Variants in HTR2A observed in about 807,000 individuals in gnomAD.
The protein encoded by HTR2A is 5-hydroxytryptamine receptor 2A.
Under a neutral mutation model 31.0 loss-of-function variants are expected in HTR2A, and 14 were observed. The observed-to-expected ratio is 0.45, with a 90% CI of 0.30 to 0.71. HTR2A has a LOEUF of 0.71. Ranked by LOEUF, HTR2A falls within the 30% of genes least tolerant of loss-of-function variation. The pLI, the probability that HTR2A is intolerant of heterozygous loss-of-function variation, is 0.09. For synonymous variants in HTR2A, 209 were observed against 225.2 expected, an observed-to-expected ratio of 0.93 and a Z score of 0.64; for missense variants, 442 against 573.3, an observed-to-expected ratio of 0.77 and a Z score of 2.34.
At chr13:46,860,149 T>C (rs888552288) in intron 3 of HTR2A, among the ~76,000 whole-genome samples, 3 of 152,212 alleles carry the variant, frequency 2.0e-5, no homozygotes, top group Non-Finnish European at 2.9e-5. Flanking sequence ...CCTGGCCCAG[T>C]GTGCCCTAGT....
chr13:46,872,443 T>C (rs892412465), intron 3 of HTR2A, among the ~76,000 whole-genome samples: 1 of 151,214 alleles, frequency 6.6e-6, no homozygotes, highest in Non-Finnish European at 1.5e-5. Flanking sequence ...GTAATTATTA[T>C]GCAAAATAAC....
At chr13:46,873,485 T>A (rs1305185897) in intron 3 of HTR2A, among the ~76,000 whole-genome samples, 1 of 150,370 alleles carries the variant, frequency 6.7e-6, no homozygotes, top group Non-Finnish European at 1.5e-5. Context: ...TTAGGGTATA[T>A]GTGCACAATG....
chr13:46,864,175 A>G (rs544033120), intron 3 of HTR2A, among the ~76,000 whole-genome samples: 107 of 152,294 alleles, frequency 7.0e-4, no homozygotes, highest in African/African-American at 2.4e-3. Context: ...ACATGTTCTC[A>G]CATATAAGTG....
At chr13:46,867,686 G>A (rs546330165) in intron 3 of HTR2A, among the ~76,000 whole-genome samples, 8 of 152,254 alleles carry the variant, frequency 5.3e-5, no homozygotes, top group African/African-American at 1.9e-4. Context: ...TTTCTTTCCT[G>A]TATACAATCC....
chr13:46,858,895 A>T (rs548755974), intron 3 of HTR2A, among the ~76,000 whole-genome samples: 2 of 152,356 alleles, frequency 1.3e-5, no homozygotes, highest in South Asian at 4.1e-4. Flanking sequence ...AAAGCAGGGC[A>T]GATGCGCCAT....
At chr13:46,879,670 T>C (rs1420616055) in intron 3 of HTR2A, among the ~76,000 whole-genome samples, 1 of 152,160 alleles carries the variant, frequency 6.6e-6, no homozygotes, top group Admixed American at 6.5e-5. Context: ...CCTTAGACAG[T>C]GGCAATCAAA....
At chr13:46,876,527 A>G (rs972359024) in intron 3 of HTR2A, among the ~76,000 whole-genome samples, 12 of 147,852 alleles carry the variant, frequency 8.1e-5, no homozygotes, top group African/African-American at 3.0e-4. Flanking sequence ...CTTCTGCCTC[A>G]GCCTCCTGAG....
At chr13:46,885,168 G>A (rs964210952) in intron 3 of HTR2A, among the ~76,000 whole-genome samples, 5 of 152,166 alleles carry the variant, frequency 3.3e-5, no homozygotes, top group Non-Finnish European at 7.3e-5. Flanking sequence ...AAATAAAGAT[G>A]ACTGGACTAC....
intron 3 of HTR2A, among the ~76,000 whole-genome samples, chr13:46,840,605 AC>A (rs1267589412): frequency 1.3e-5 from 2 of 152,196 alleles, no homozygotes; most frequent in Non-Finnish European, 2.9e-5. Flanking sequence ...AGTTAGAATC[AC>A]ACAGAAAGTT....
chr13:46,835,324 C>T lies in HTR2A; in HGVS notation c.929G>A (p.Arg310Lys), dbSNP rs768848048. The change falls in exon 4 of 4, where the codon AGG becomes AAG. Residue 310 changes from arginine to lysine, a missense_variant. Transcript: ENST00000542664. ...CTCATTGCTGATGGACTGCATAGTC[C>T]TCCTGCCTGTGTAGGACCCTGGCTC... is the stretch of plus-strand genomic sequence containing the variant. Reference protein sequence around the residue: ...HREPGSYTGRRTMQSISNEQK... With the variant: ...HREPGSYTGRKTMQSISNEQK... 1 of 1,614,098 alleles carries T rather than the reference C, an allele frequency of 6.2e-7. No individual in the cohort carries two copies. Among genetic ancestry groups the T allele is most frequent in the Admixed American group, 1.7e-5 (1 of 59,996 alleles).
At chr13:46,894,312 C>T (rs1422574552) in intron 2 of HTR2A, among the ~76,000 whole-genome samples, 1 of 152,294 alleles carries the variant, frequency 6.6e-6, no homozygotes, top group East Asian at 1.9e-4. Flanking sequence ...TTTTGGGTCC[C>T]GCTCTGTCAC....
intron 3 of HTR2A, among the ~76,000 whole-genome samples, chr13:46,861,011 G>C (rs1016250134): frequency 3.3e-5 from 5 of 152,168 alleles, no homozygotes; most frequent in Non-Finnish European, 7.3e-5. Flanking sequence ...AACTGAAAAG[G>C]TTGATTACTT....
At position 46,855,858 on chromosome 13, in the gene HTR2A, TG is replaced by T. The variant is rs561386960; in HGVS notation, c.614-20220del. On this transcript the variant is annotated intron_variant, in intron 3 of 3. Transcript: ENST00000542664. ...TATTGTGTATAACATATGATGTGGG[TG>T]GGGTCCGCAAAAGTAAGGGTGCCAA... 1.5e-3 allele frequency among the ~76,000 whole-genome samples: 226 copies of T among 152,294 alleles called. 1 individual carries two copies. The highest frequency in any genetic ancestry group is 5.1e-3 in the African/African-American group (211 of 41,556).
rs1181604482 is a variant in HTR2A, at chr13:46,832,189, AC to A, written c.*2647del. 6.6e-6 allele frequency: 1 copy of A among 152,262 alleles called. No homozygotes were observed. The highest frequency in any genetic ancestry group is 1.5e-5 in the Non-Finnish European group (1 of 68,042). The allele number at this position is 152,262 out of a possible 1,614,324, so 9.4% of individuals were successfully genotyped here. On this transcript the variant is annotated 3_prime_UTR_variant, in exon 4 of 4. Transcript: ENST00000542664. ...TATTTAAAGAGCTGATATTTTTGTT[AC>A]ACTTTAATCTGCTTTGCAGCAATGG... is the stretch of plus-strand genomic sequence containing the variant.
chr13:46,878,984 G>A (rs755390201), intron 3 of HTR2A, among the ~76,000 whole-genome samples: 3 of 152,132 alleles, frequency 2.0e-5, no homozygotes, highest in Non-Finnish European at 4.4e-5. Flanking sequence ...TGGTTTAGAG[G>A]GAAACAGAAC....
At chr13:46,842,285 A>T (rs1296179176) in intron 3 of HTR2A, among the ~76,000 whole-genome samples, 1 of 151,954 alleles carries the variant, frequency 6.6e-6, no homozygotes, top group Non-Finnish European at 1.5e-5. Context: ...TAGAAAAAAA[A>T]CTCATCTCTG....
At chr13:46,863,630 G>GAAAAAA (rs59693757) in intron 3 of HTR2A, among the ~76,000 whole-genome samples, 30 of 59,254 alleles carry the variant, frequency 5.1e-4, no homozygotes, top group Admixed American at 7.9e-4. Context: ...CCCTCAAAAT[G>GAAAAAA]AAAAAAAAAA....
intron 3 of HTR2A, among the ~76,000 whole-genome samples, chr13:46,840,906 C>A (rs1484902237): frequency 6.6e-6 from 1 of 152,112 alleles, no homozygotes; most frequent in Non-Finnish European, 1.5e-5. Context: ...GTGTCTCCAC[C>A]CAAATCTCAT....
chr13:46,896,971 G>C lies in HTR2A; in HGVS notation c.-626C>G. On this transcript the variant is annotated 5_prime_UTR_variant, in exon 1 of 4. Transcript: ENST00000542664. ...AATCATTCACGAGCCCCTCAAAGTC[G>C]CACAAAAGAACTGCATGGGAAAGTA... is the stretch of plus-strand genomic sequence containing the variant. 1.4e-6 allele frequency: 1 copy of C among 702,022 alleles called. No homozygotes were observed. Among genetic ancestry groups the C allele is most frequent in the Non-Finnish European group, 2.4e-6 (1 of 423,106 alleles). 43.5% of individuals were successfully genotyped at this position (702,022 alleles called of 1,614,324 possible). A position where few individuals can be genotyped will look rare whatever the true frequency, so the allele number is the denominator to read the frequency against.
Sources: allele counts gnomAD v4.1 joint callset (sites outside exome capture counted in the v4.1 genomes callset), GRCh38; gene constraint gnomAD v4.1.1; transcripts MANE v1.5; gene names NCBI Gene and HGNC (gene_info 2026-07-23, HGNC 2026-07-21).